Variants in SLC43A2 observed in about 807,000 individuals in gnomAD.
SLC43A2 encodes the protein solute carrier family 43 member 2.
Under a neutral mutation model 63.2 loss-of-function variants are expected in SLC43A2, and 38 were observed. The ratio of observed to expected loss-of-function variants is 0.60; its 90% confidence interval spans 0.46 to 0.79. The LOEUF (loss-of-function observed/expected upper bound fraction) is 0.79, where lower values mean the gene tolerates loss of function less well. SLC43A2 is among the 30% of genes least tolerant of loss of function. SLC43A2 has a pLI of 0.00. For synonymous variants in SLC43A2, 322 were observed against 331.0 expected (o/e 0.97, Z 0.30); for missense variants, 644 against 756.2 (o/e 0.85, Z 1.74).
At chr17:1,611,878 G>A (rs1395519582) in intron 5 of SLC43A2, among the ~76,000 whole-genome samples, 1 of 150,120 alleles carries the variant, frequency 6.7e-6, no homozygotes. Flanking sequence ...TGGCCAGCTC[G>A]GAATGGCACA....
At chr17:1,615,768 G>C (rs957424683) in intron 3 of SLC43A2, among the ~76,000 whole-genome samples, 2 of 149,310 alleles carry the variant, frequency 1.3e-5, no homozygotes, top group Non-Finnish European at 3.0e-5. Context: ...GCGTGAACCC[G>C]GGAGGCGGAG....
intron 5 of SLC43A2, among the ~76,000 whole-genome samples, chr17:1,598,723 C>T (rs1340754045): frequency 6.6e-6 from 1 of 152,182 alleles, no homozygotes; most frequent in Non-Finnish European, 1.5e-5. Flanking sequence ...GACCATGTGG[C>T]CCTGCCTGGT....
Position 1,625,306 on chromosome 17 carries a change from G to A in SLC43A2, c.160+2409C>T, listed in dbSNP as rs144547727. Among the ~76,000 whole-genome samples, 346 of 152,310 alleles carry A rather than the reference G, an allele frequency of 2.3e-3. 2 individuals are homozygous for A. The highest frequency in any genetic ancestry group is 7.9e-3 in the African/African-American group (327 of 41,558). On this transcript the variant is annotated intron_variant, in intron 2 of 13. Coordinates refer to ENST00000301335, the MANE Select transcript of SLC43A2 (RefSeq NM_152346.3). ...GCTGGAACCCAACACGGTGTCTGTGGCGAGATTCTGGCTGGAGTCGTAAGA... is the reference window on the plus strand; with the variant it reads ...GCTGGAACCCAACACGGTGTCTGTGACGAGATTCTGGCTGGAGTCGTAAGA...
At position 1,591,583 on chromosome 17, in the gene SLC43A2, C is replaced by T. The variant is rs771258254; in HGVS notation, c.711G>A (p.Pro237=). 6.8e-5 allele frequency: 105 copies of T among 1,550,058 alleles called. No homozygotes were observed. The highest frequency in any genetic ancestry group is 9.1e-5 in the Non-Finnish European group (104 of 1,147,460). ...CTACTTACGAGTAGTCCATGTCCTC[C>T]GGCCCCGGGAAGGGCTCAAGGGGCC... ...FNWPLEPFPG[P]EDMDYSVKIK... Residue 237 remains proline, a synonymous_variant, in exon 7 of 14, where the codon CCG becomes CCA. Transcript: ENST00000301335.
intron 2 of SLC43A2, 58 bp downstream of exon 2, chr17:1,627,647 CCCCCATCCCG>C: frequency 6.7e-5 from 43 of 644,140 alleles, no homozygotes; most frequent in Non-Finnish European, 8.7e-5. Flanking sequence ...TAGGTCTTCG[CCCCCATCCCG>C]CCCCCTCCCA....
intron 5 of SLC43A2, among the ~76,000 whole-genome samples, chr17:1,599,675 T>A (rs1261759769): frequency 6.6e-6 from 1 of 151,984 alleles, no homozygotes; most frequent in Non-Finnish European, 1.5e-5. Flanking sequence ...CACTCCAGCC[T>A]GGGCAACACA....
intron 6 of SLC43A2, among the ~76,000 whole-genome samples, chr17:1,592,944 G>T (rs1904956534): frequency 6.6e-6 from 1 of 152,152 alleles, no homozygotes; most frequent in African/African-American, 2.4e-5. Flanking sequence ...CCCTTCCCCT[G>T]CCCCAGCCCC....
At chr17:1,604,682 G>C in intron 5 of SLC43A2, 2 of 1,517,312 alleles carry the variant, frequency 1.3e-6, no homozygotes, top group African/African-American at 1.4e-5. Context: ...TCCCCAACTA[G>C]AGATGGCTTA....
chr17:1,598,811 G>A (rs561427989), intron 5 of SLC43A2, among the ~76,000 whole-genome samples: 28 of 152,306 alleles, frequency 1.8e-4, no homozygotes, highest in African/African-American at 6.0e-4. Context: ...CTCTCCATCT[G>A]TCCATGGATG....
rs948235860 is a variant in SLC43A2 at position 1,606,036 on chromosome 17, C to A, written c.501+7159G>T. 6.6e-6 allele frequency among the ~76,000 whole-genome samples: 1 copy of A among 152,206 alleles called. No homozygotes were observed. The highest frequency in any genetic ancestry group is 2.4e-5 in the African/African-American group (1 of 41,462). ...CAAACCAATGGCAAGTAGCTGACTGCCTGAGCTTCCCCAAGGTACAGGACA... is the reference window on the plus strand; with the variant it reads ...CAAACCAATGGCAAGTAGCTGACTGACTGAGCTTCCCCAAGGTACAGGACA... On this transcript the variant is annotated intron_variant, in intron 5 of 13. Coordinates refer to ENST00000301335, the MANE Select transcript of SLC43A2 (RefSeq NM_152346.3). This position sits in a 1 kb window ranked among gnomAD's most constrained non-coding sequence, Gnocchi z 4.7.
chr17:1,625,303 GT>G (rs1464272815), intron 2 of SLC43A2, among the ~76,000 whole-genome samples: 4 of 152,186 alleles, frequency 2.6e-5, no homozygotes, highest in Non-Finnish European at 5.9e-5. Context: ...CACGGTGTCT[GT>G]GGCGAGATTC....
chr17:1,576,224 C>A (rs558172050), intron 13 of SLC43A2, among the ~76,000 whole-genome samples: 98 of 152,152 alleles, frequency 6.4e-4, no homozygotes, highest in Non-Finnish European at 3.1e-4. Flanking sequence ...TCTGGGATTA[C>A]AGGCACCTGC....
intron 2 of SLC43A2, among the ~76,000 whole-genome samples, chr17:1,624,671 G>A (rs1234604303): frequency 5.9e-5 from 9 of 151,402 alleles, no homozygotes; most frequent in Non-Finnish European, 1.0e-4. Flanking sequence ...CAGGAGGATC[G>A]CTTGAGCCCA....
chr17:1,572,703 C>T lies in SLC43A2; in HGVS notation c.*2901G>A, dbSNP rs1342022693. The stretch of plus-strand genomic sequence containing the variant: ...CTGCTCGCATTTTCAGGCCTCAATC[C>T]CCAAGCACTGTTGGCCCTGGACTGT... On this transcript the variant is annotated 3_prime_UTR_variant, in exon 14 of 14. Coordinates refer to ENST00000301335, the MANE Select transcript of SLC43A2 (RefSeq NM_152346.3). 3.9e-5 allele frequency: 6 copies of T among 152,742 alleles called. No homozygotes were observed. The highest frequency in any genetic ancestry group is 2.1e-4 in the South Asian group (1 of 4,850). 9.5% of individuals were successfully genotyped at this position (152,742 alleles called of 1,614,324 possible).
At position 1,577,555 on chromosome 17, in the gene SLC43A2, C is replaced by T. The variant is rs2075953701; in HGVS notation, c.1424+695G>A. ...GAGAGAGTTCCGGGCTAAATCTTAGCACATGTCAGGCTCTGCTGGCCCAGA... is the reference window on the plus strand; with the variant it reads ...GAGAGAGTTCCGGGCTAAATCTTAGTACATGTCAGGCTCTGCTGGCCCAGA... On this transcript the variant is annotated intron_variant, in intron 12 of 13. Transcript: ENST00000301335. The surrounding 1 kb of genome is among the most constrained non-coding windows in gnomAD (Gnocchi z 4.9). Among the ~76,000 whole-genome samples, 3 of 152,200 alleles carry T rather than the reference C, an allele frequency of 2.0e-5. No homozygotes were observed. The highest frequency in any genetic ancestry group is 2.9e-5 in the Non-Finnish European group (2 of 68,040).
chr17:1,604,547 G>A (rs978775945), intron 5 of SLC43A2: 11 of 651,276 alleles, frequency 1.7e-5, no homozygotes, highest in African/African-American at 5.5e-5. Context: ...CCACACTGAT[G>A]CTGAACTTAG....
chr17:1,601,722 C>T (rs952564602), intron 5 of SLC43A2, among the ~76,000 whole-genome samples: 7 of 151,246 alleles, frequency 4.6e-5, no homozygotes, highest in African/African-American at 9.8e-5. Flanking sequence ...ACATGTACTG[C>T]CCTCCCGAAG....
chr17:1,617,925 C>G (rs549065469), intron 2 of SLC43A2, among the ~76,000 whole-genome samples: 1 of 152,186 alleles, frequency 6.6e-6, no homozygotes, highest in East Asian at 1.9e-4. Context: ...CTCTCCTGGC[C>G]GGGACTGCTA....
chr17:1,591,005 G>T, intron 8 of SLC43A2, 57 bp from the exon 9 acceptor site: 3 of 1,529,326 alleles, frequency 2.0e-6, no homozygotes, highest in Non-Finnish European at 2.7e-6. Context: ...ACCACCGGGG[G>T]GACACGCAGA....
Sources: allele counts gnomAD v4.1 joint callset (sites outside exome capture counted in the v4.1 genomes callset), GRCh38; gene constraint gnomAD v4.1.1; non-coding constraint Gnocchi (gnomAD v3.1); transcripts MANE v1.5; gene names NCBI Gene and HGNC (gene_info 2026-07-23, HGNC 2026-07-21).